The following BHMT variants were observed in gnomAD, a reference collection of about 807,000 sequenced individuals.
BHMT encodes the protein betaine--homocysteine S-methyltransferase 1.
A neutral mutation model predicts 49.5 loss-of-function variants in BHMT; 38 were observed. The ratio of observed to expected loss-of-function variants is 0.77; its 90% CI spans 0.59 to 1.01. BHMT has a LOEUF of 1.01. BHMT is among the 50% of genes least tolerant of loss of function. BHMT has a pLI of 0.00. For missense variants in BHMT, 426 were observed against 495.7 expected (o/e 0.86, Z 1.34); for synonymous variants, 166 against 176.3 (o/e 0.94, Z 0.46).
intron 2 of BHMT, among the ~76,000 whole-genome samples, chr5:79,118,599 T>C (rs1229491148): frequency 2.0e-5 from 3 of 152,230 alleles, no homozygotes; most frequent in African/African-American, 7.2e-5. Flanking sequence ...AAACACTGTA[T>C]TAATTACATC....
intron 5 of BHMT, among the ~76,000 whole-genome samples, chr5:79,121,770 G>C (rs1325190519): frequency 2.7e-5 from 4 of 147,656 alleles, no homozygotes; most frequent in African/African-American, 5.0e-5. Flanking sequence ...AGCCGAGATT[G>C]CGCCACTGCA....
chr5:79,113,152 T>C (rs982506293), intron 1 of BHMT, among the ~76,000 whole-genome samples: 1 of 152,158 alleles, frequency 6.6e-6, no homozygotes, highest in Non-Finnish European at 1.5e-5. Context: ...AAATGCAGCA[T>C]CGTGGATGCA....
Position 79,131,716 on chromosome 5 carries a change from T to G in BHMT, c.*600T>G, listed in dbSNP as rs536668797. On this transcript the variant is annotated 3_prime_UTR_variant, in exon 8 of 8. Transcript: ENST00000274353. ...TGGATTTTTATGACCCACTACTGGG[T>G]TTGGATCCACAGTTTGAAAAATATT... 35 of 152,366 alleles carry G rather than the reference T, an allele frequency of 2.3e-4. No individual in the cohort carries two copies. Among genetic ancestry groups the G allele is most frequent in the African/African-American group, 7.9e-4 (33 of 41,586 alleles). 9.4% of individuals were successfully genotyped at this position (152,366 alleles called of 1,614,324 possible). A position where few individuals can be genotyped will look rare whatever the true frequency, so the allele number is the denominator to read the frequency against.
Position 79,119,461 on chromosome 5 carries a change from A to G in BHMT, c.285+84A>G, listed in dbSNP as rs978945466. Reference sequence around the variant, plus strand: ...AAGCTCCCATAGAGAAAAGGGTTCAACCTCTTCAGAGTTTTGTTTTATTTC... The same window carrying G: ...AAGCTCCCATAGAGAAAAGGGTTCAGCCTCTTCAGAGTTTTGTTTTATTTC... On this transcript the variant is annotated intron_variant, in intron 3 of 7. Transcript: ENST00000274353. The G allele has an allele frequency of 4.8e-6, 5 of 1,040,004 alleles. No individual in the cohort carries two copies. The African/African-American group carries it at 4.8e-5, about 10-fold the overall frequency. 64.4% of individuals were successfully genotyped at this position (1,040,004 alleles called of 1,614,324 possible). A position where few individuals can be genotyped will look rare whatever the true frequency, so the allele number is the denominator to read the frequency against.
intron 5 of BHMT, among the ~76,000 whole-genome samples, chr5:79,124,391 A>T (rs1435010767): frequency 1.3e-5 from 2 of 152,168 alleles, no homozygotes; most frequent in Admixed American, 6.6e-5. Context: ...TCTACAAAAA[A>T]ATAAAATTTT....
chr5:79,123,615 C>T (rs914782030), intron 5 of BHMT, among the ~76,000 whole-genome samples: 3 of 152,174 alleles, frequency 2.0e-5, no homozygotes, highest in East Asian at 1.9e-4. Flanking sequence ...GCAATGGCAC[C>T]GTCTTGGCTC....
chr5:79,131,157 G>T lies in BHMT; in HGVS notation c.*41G>T. 1 of 1,567,942 alleles carries T rather than the reference G, an allele frequency of 6.4e-7. No homozygotes were observed. Among genetic ancestry groups the T allele is most frequent in the Non-Finnish European group, 8.7e-7 (1 of 1,153,880 alleles). On this transcript the variant is annotated 3_prime_UTR_variant, in exon 8 of 8. Coordinates refer to ENST00000274353, the MANE Select transcript of BHMT (RefSeq NM_001713.3). Reference sequence around the variant, plus strand: ...TTTTTGATGAATTTCTAGGTGTTTGGGTCACAGTTCCTACAAATACGGAAA... The same window carrying T: ...TTTTTGATGAATTTCTAGGTGTTTGTGTCACAGTTCCTACAAATACGGAAA...
chr5:79,119,341 G>A lies in BHMT; in HGVS notation c.249G>A (p.Leu83=), dbSNP rs2112725570. 1 of 1,614,074 alleles carries A rather than the reference G, an allele frequency of 6.2e-7. No homozygotes were observed. Among genetic ancestry groups the A allele is most frequent in the East Asian group, 2.2e-5 (1 of 44,878 alleles). ...TFTFYASEDK[L]ENRGNYVLEK... ...CCTTCTATGCGAGTGAAGACAAGCT[G>A]GAGAACAGGGGCAACTATGTCTTAG... The change falls in exon 3 of 8, where the codon CTG becomes CTA. Residue 83 remains leucine (L), a synonymous_variant. Coordinates refer to ENST00000274353, the MANE Select transcript of BHMT (RefSeq NM_001713.3).
At chr5:79,127,646 A>G in intron 6 of BHMT, 109 bp from the exon 7 acceptor site, 1 of 1,373,546 alleles carries the variant, frequency 7.3e-7, no homozygotes, top group Non-Finnish European at 9.8e-7. Context: ...GTAAAAATTG[A>G]ATATTGAAAA....
chr5:79,121,163 A>G (rs1756463823), intron 4 of BHMT, 55 bp from the exon 5 acceptor site: 5 of 1,584,696 alleles, frequency 3.2e-6, no homozygotes, highest in Non-Finnish European at 4.3e-6. Flanking sequence ...AAAAAAAAAA[A>G]AAATTGTTTT....
intron 5 of BHMT, among the ~76,000 whole-genome samples, chr5:79,123,000 C>T (rs1265218128): frequency 2.0e-5 from 3 of 152,132 alleles, no homozygotes; most frequent in Non-Finnish European, 2.9e-5. Flanking sequence ...GAGGAGACAG[C>T]ACAGAACATG....
intron 3 of BHMT, 69 bp from the exon 4 acceptor site, chr5:79,120,280 AT>A: frequency 7.4e-7 from 1 of 1,352,380 alleles, no homozygotes; most frequent in South Asian, 1.5e-5. Context: ...TAAGATGTGA[AT>A]GTTTGAATAA....
At chr5:79,130,873 A>C in intron 7 of BHMT, 60 bp from the exon 8 acceptor site, 2 of 1,412,384 alleles carry the variant, frequency 1.4e-6, no homozygotes, top group Non-Finnish European at 1.9e-6. Flanking sequence ...GTTCCATGAT[A>C]TAAAGACCAA....
rs1215285952 is a variant in BHMT, at chr5:79,127,757, C to G, written c.811C>G (p.Leu271Val). Reference protein sequence around the residue: ...FIDLPEFPFGLEPRVATRWDI... With the variant: ...FIDLPEFPFGVEPRVATRWDI... ...TGGCATAATGCCACTTATTACAGGACTGGAACCCAGAGTTGCCACCAGATG... is the reference window on the plus strand; with the variant it reads ...TGGCATAATGCCACTTATTACAGGAGTGGAACCCAGAGTTGCCACCAGATG... The change falls in exon 7 of 8, where the codon CTG (leucine) becomes GTG (valine). Residue 271 changes from leucine to valine, a missense_variant and splice_region_variant. Leu to Val is a conservative substitution (Grantham distance 32). This residue lies in a region of BHMT where 321 missense variants were observed against 355.9 expected (regional missense o/e 0.90). Coordinates refer to ENST00000274353, the MANE Select transcript of BHMT (RefSeq NM_001713.3). 1 of 1,613,986 alleles carries G rather than the reference C, an allele frequency of 6.2e-7. No homozygotes were observed. The highest frequency in any genetic ancestry group is 2.2e-5 in the East Asian group (1 of 44,892).
intron 7 of BHMT, 90 bp from the exon 8 acceptor site, chr5:79,130,842 AT>A: frequency 8.5e-7 from 1 of 1,173,362 alleles, no homozygotes; most frequent in Admixed American, 2.9e-5. Context: ...ATTATTTAAA[AT>A]ATTATATAAT....
rs143951758 is a variant in BHMT, at chr5:79,114,496, A to G, written c.34-1271A>G. The stretch of plus-strand genomic sequence containing the variant: ...TCTAAGAAGGTGGCAAGGAATTGGG[A>G]TGCAAAATCCTGTGACTGCCTCTCA... On this transcript the variant is annotated intron_variant, in intron 1 of 7. Transcript: ENST00000274353. 5.6e-3 allele frequency among the ~76,000 whole-genome samples: 850 copies of G among 152,300 alleles called. 3 individuals carry two copies. The highest frequency in any genetic ancestry group is 8.5e-3 in the Non-Finnish European group (575 of 68,018).
At chr5:79,126,903 C>T (rs1756560431) in intron 6 of BHMT, among the ~76,000 whole-genome samples, 1 of 151,884 alleles carries the variant, frequency 6.6e-6, no homozygotes, top group Admixed American at 6.6e-5. Context: ...GCCCAGCCTC[C>T]TATTTCCTTC....
chr5:79,117,752 T>C (rs1365837370), intron 2 of BHMT, among the ~76,000 whole-genome samples: 1 of 152,224 alleles, frequency 6.6e-6, no homozygotes, highest in African/African-American at 2.4e-5. Context: ...CCTGGACCTT[T>C]GGATTTCATA....
rs775746997 is a variant in BHMT at position 79,126,055 on chromosome 5, T to C, written c.635T>C (p.Ile212Thr). 6.2e-7 allele frequency: 1 copy of C among 1,601,188 alleles called. No individual in the cohort carries two copies. The highest frequency in any genetic ancestry group is 8.6e-7 in the Non-Finnish European group (1 of 1,169,256). The stretch of plus-strand genomic sequence containing the variant: ...TTCTTCCCACTCACAGGAGCATCCA[T>C]CATTGGTGTGAACTGCCACTTTGAC... ...AVRLVKAGAS[I>T]IGVNCHFDPT... Residue 212 changes from isoleucine to threonine, a missense_variant, in exon 6 of 8, where the codon ATC becomes ACC. This residue lies in a region of BHMT where 321 missense variants were observed against 355.9 expected (regional missense o/e 0.90). Coordinates refer to ENST00000274353, the MANE Select transcript of BHMT (RefSeq NM_001713.3).
Sources: gnomAD v4.1 joint callset for allele counts (sites outside exome capture counted in the v4.1 genomes callset) on GRCh38, gnomAD v4.1.1 for gene constraint, gnomAD v4.1.1 regional missense constraint, MANE v1.5 for transcripts, NCBI Gene and HGNC (gene_info 2026-07-23, HGNC 2026-07-21) for gene names.